The following NAA15 variants were observed in gnomAD, a reference collection of about 807,000 sequenced individuals.
NAA15 encodes N-terminal acetyltransferase.
A neutral mutation model predicts 114.0 loss-of-function variants in NAA15; 34 were observed. The ratio of observed to expected loss-of-function variants is 0.30; its 90% confidence interval spans 0.23 to 0.40. The LOEUF (loss-of-function observed/expected upper bound fraction) is 0.40. Ranked by LOEUF, NAA15 falls within the 10% of genes least tolerant of loss-of-function variation. NAA15 has a pLI of 1.00. For synonymous variants in NAA15, 340 were observed against 338.0 expected (o/e 1.01, Z -0.06); for missense variants, 658 against 1,004.5 (o/e 0.66, Z 4.66).
chr4:139,305,533 CTTG>C (rs763558980), intron 1 of NAA15, among the ~76,000 whole-genome samples: 22 of 142,766 alleles, frequency 1.5e-4, no homozygotes, highest in Non-Finnish European at 2.1e-4. Context: ...AGGTTGGTAA[CTTG>C]TTGTTTTTTT....
At chr4:139,359,282 C>T (rs1748060734) in intron 11 of NAA15, among the ~76,000 whole-genome samples, 2 of 152,154 alleles carry the variant, frequency 1.3e-5, no homozygotes, top group South Asian at 4.2e-4. Flanking sequence ...GCATGCGCCA[C>T]CACCCTTGGT....
In NAA15 at chr4:139,342,854, G is replaced by A; in HGVS notation, c.431G>A (p.Arg144Gln). ...ACGAGGTATCAGTTACTTCAGCTTC[G>A]ACCTGCGCAGAGAGCATCATGGATT... ...RETRYQLLQL[R>Q]PAQRASWIGY... is the part of the protein sequence containing the mutation. The change falls in exon 5 of 20, where the codon CGA becomes CAA. Residue 144 changes from arginine to glutamine, a missense_variant. Physicochemically the swap from Arg to Gln is conservative, Grantham distance 43 (BLOSUM62 1). Coordinates refer to ENST00000296543, the MANE Select transcript of NAA15 (RefSeq NM_057175.5). 6.2e-7 allele frequency: 1 copy of A among 1,612,266 alleles called. No homozygotes were observed. Among genetic ancestry groups the A allele is most frequent in the Non-Finnish European group, 8.5e-7 (1 of 1,179,292 alleles).
At position 139,361,124 on chromosome 4, in the gene NAA15, T is replaced by C. The variant is rs556307324; in HGVS notation, c.1539+496T>C. Among the ~76,000 whole-genome samples, 29 of 152,306 alleles carry C rather than the reference T, an allele frequency of 1.9e-4. No individual in the cohort carries two copies. The South Asian group carries it at 6.0e-3, about 32-fold the overall frequency. On this transcript the variant is annotated intron_variant, in intron 13 of 19. Transcript: ENST00000296543. ...ATTTCCATGACTAGTGGTTGGTTTT[T>C]CTTTTTTGTGTTTTACACAGATAAA...
chr4:139,338,066 T>G (rs1747256543), intron 3 of NAA15, among the ~76,000 whole-genome samples: 2 of 152,254 alleles, frequency 1.3e-5, no homozygotes. Context: ...GACATAATTT[T>G]CTTTAAATAT....
chr4:139,305,544 T>A (rs1353334091), intron 1 of NAA15, among the ~76,000 whole-genome samples: 1 of 151,816 alleles, frequency 6.6e-6, no homozygotes, highest in Non-Finnish European at 1.5e-5. Context: ...TTGTTGTTTT[T>A]TTTTTTTTTT....
intron 17 of NAA15, chr4:139,379,466 CAGAT>C (rs1196943662): frequency 1.4e-4 from 21 of 152,110 alleles, no homozygotes; most frequent in Non-Finnish European, 1.5e-5. Flanking sequence ...TTCTAGGTAA[CAGAT>C]AGAAACTTAG....
chr4:139,377,218 CT>C (rs35472592), intron 16 of NAA15, among the ~76,000 whole-genome samples: 33,704 of 152,060 alleles, frequency 0.22, 4,109 homozygotes, highest in South Asian at 0.39. Flanking sequence ...TAACATGGTA[CT>C]TCTCTATATG....
chr4:139,371,758 T>C (rs1219553840), intron 15 of NAA15, among the ~76,000 whole-genome samples: 1 of 152,088 alleles, frequency 6.6e-6, no homozygotes, highest in East Asian at 1.9e-4. Context: ...AGACCTTCCA[T>C]CTTTATGCCC....
chr4:139,376,885 A>G (rs907025138), intron 16 of NAA15, among the ~76,000 whole-genome samples: 1 of 152,206 alleles, frequency 6.6e-6, no homozygotes, highest in Admixed American at 6.5e-5. Flanking sequence ...AGGATGGATT[A>G]TATTTCTAAA....
rs1437538438 is a variant in NAA15 at position 139,325,821 on chromosome 4, T to G, written c.55-8353T>G. 2.0e-5 allele frequency among the ~76,000 whole-genome samples: 3 copies of G among 152,198 alleles called. No homozygotes were observed. In the East Asian group the frequency reaches 5.8e-4, roughly 29 times the overall value. ...GCCACCATGCCCAGCTAATTTTTAATTTTTTTGTAGAGACAGTGGGTCTCA... is the reference window on the plus strand; with the variant it reads ...GCCACCATGCCCAGCTAATTTTTAAGTTTTTTGTAGAGACAGTGGGTCTCA... On this transcript the variant is annotated intron_variant, in intron 1 of 19. Transcript: ENST00000296543.
In NAA15 at chr4:139,377,112, A is replaced by G. The variant is rs2110991209; in HGVS notation, c.2056+639A>G. On this transcript the variant is annotated intron_variant, in intron 16 of 19. Coordinates refer to ENST00000296543, the MANE Select transcript of NAA15 (RefSeq NM_057175.5). ...TGGTTAATTGAAAAAAGAGTTCGTC[A>G]CAAAGGTGATGCATATTAAAGGAAA... Among the ~76,000 whole-genome samples the G allele has an allele frequency of 2.0e-5, 3 of 152,360 alleles. No individual in the cohort carries two copies. In the South Asian group the frequency reaches 6.2e-4, roughly 32 times the overall value.
intron 4 of NAA15, among the ~76,000 whole-genome samples, chr4:139,341,900 C>T (rs1046711268): frequency 6.6e-6 from 1 of 151,564 alleles, no homozygotes; most frequent in Non-Finnish European, 1.5e-5. Flanking sequence ...TTTTTATATT[C>T]TAATAGAGAT....
intron 2 of NAA15, among the ~76,000 whole-genome samples, chr4:139,335,581 G>T (rs1363222807): frequency 1.3e-5 from 2 of 151,524 alleles, no homozygotes; most frequent in Non-Finnish European, 2.9e-5. Flanking sequence ...GGCCAGGCTG[G>T]TCTCAAACTC....
rs1373167306 is a variant in NAA15 at position 139,390,556 on chromosome 4, G to A, written c.*2472G>A. 6.6e-6 allele frequency: 1 copy of A among 152,648 alleles called. No homozygotes were observed. Among genetic ancestry groups the A allele is most frequent in the African/African-American group, 2.4e-5 (1 of 41,454 alleles). 9.5% of individuals were successfully genotyped at this position (152,648 alleles called of 1,614,324 possible). A position where few individuals can be genotyped will look rare whatever the true frequency, so the allele number is the denominator to read the frequency against. ...GCCTTATGTTTATTGCTAAGAACTG[G>A]TGTTACCAACCCTTTTGAGAAGAAA... On this transcript the variant is annotated 3_prime_UTR_variant, in exon 20 of 20. Coordinates refer to ENST00000296543, the MANE Select transcript of NAA15 (RefSeq NM_057175.5).
intron 10 of NAA15, among the ~76,000 whole-genome samples, chr4:139,357,026 T>C (rs1425893902): frequency 2.0e-5 from 3 of 151,860 alleles, no homozygotes; most frequent in Non-Finnish European, 1.5e-5. Flanking sequence ...AGAACATTTT[T>C]AATTTCTTCC....
At chr4:139,305,032 G>A (rs940350888) in intron 1 of NAA15, among the ~76,000 whole-genome samples, 6 of 152,148 alleles carry the variant, frequency 3.9e-5, no homozygotes, top group African/African-American at 1.2e-4. Flanking sequence ...CAGTCCTCCC[G>A]CTTCAGCCTC....
chr4:139,321,866 C>G (rs1746629911), intron 1 of NAA15, among the ~76,000 whole-genome samples: 1 of 151,982 alleles, frequency 6.6e-6, no homozygotes, highest in Admixed American at 6.6e-5. Context: ...GAAGTCTCAG[C>G]TACTTACGTC....
intron 5 of NAA15, among the ~76,000 whole-genome samples, chr4:139,343,969 G>T (rs1219748852): frequency 2.6e-5 from 4 of 152,124 alleles, no homozygotes; most frequent in Admixed American, 2.6e-4. Context: ...TTTATTGTGT[G>T]TAAGGACTTA....
intron 17 of NAA15, among the ~76,000 whole-genome samples, chr4:139,380,235 AGTTT>A (rs1467678415): frequency 6.8e-6 from 1 of 146,002 alleles, no homozygotes; most frequent in Non-Finnish European, 1.5e-5. Context: ...TGTATTTAGT[AGTTT>A]GTTTCTCTTT....
Sources: allele counts gnomAD v4.1 joint callset (sites outside exome capture counted in the v4.1 genomes callset), GRCh38; gene constraint gnomAD v4.1.1; transcripts MANE v1.5; gene names NCBI Gene and HGNC (gene_info 2026-07-23, HGNC 2026-07-21).